IL33: variants seen among roughly 807,000 people sequenced by gnomAD.
The protein encoded by IL33 is interleukin 33, also known as interleukin-33.
Under a neutral mutation model 27.3 loss-of-function variants are expected in IL33, and 37 were observed. The observed-to-expected ratio is 1.36, with a 90% CI of 1.04 to 1.78. The LOEUF (loss-of-function observed/expected upper bound fraction) is 1.78. Among genes scored for constraint, IL33 ranks in the 40% most tolerant of loss-of-function variants. IL33 has a pLI of 0.00. For synonymous variants in IL33, 132 were observed against 102.9 expected (o/e 1.28, Z -1.71); for missense variants, 406 against 311.4 (o/e 1.30, Z -2.29).
At chr9:6,216,162 G>A (rs1459852559) in intron 1 of IL33, among the ~76,000 whole-genome samples, 1 of 152,084 alleles carries the variant, frequency 6.6e-6, no homozygotes, top group African/African-American at 2.4e-5. Context: ...ATGGGATCTT[G>A]CTCTGTAGCG....
At chr9:6,253,287 C>A (rs1305799353) in intron 5 of IL33, among the ~76,000 whole-genome samples, 3 of 152,210 alleles carry the variant, frequency 2.0e-5, no homozygotes, top group South Asian at 2.1e-4. Context: ...TCCACCAGAT[C>A]TTTCTAGCCC....
At chr9:6,255,937 A>T in intron 7 of IL33, 31 bp from the exon 8 acceptor site, 1 of 1,581,778 alleles carries the variant, frequency 6.3e-7, no homozygotes, top group Non-Finnish European at 8.7e-7. Context: ...TCCCATTCAC[A>T]TATGGATTGC....
chr9:6,221,099 G>C (rs1236235382), intron 1 of IL33, among the ~76,000 whole-genome samples: 1 of 152,048 alleles, frequency 6.6e-6, no homozygotes, highest in Admixed American at 6.6e-5. Context: ...CTAAACTTTT[G>C]AACAAGTTTC....
At chr9:6,253,251 C>T (rs2130452788) in intron 5 of IL33, among the ~76,000 whole-genome samples, 1 of 152,218 alleles carries the variant, frequency 6.6e-6, no homozygotes, top group African/African-American at 2.4e-5. Context: ...AAAGAGGGGC[C>T]ACATGTATTT....
At chr9:6,247,288 G>A (rs1026364089) in intron 2 of IL33, among the ~76,000 whole-genome samples, 2 of 152,152 alleles carry the variant, frequency 1.3e-5, no homozygotes. Context: ...AAGAACCTAG[G>A]GAAACTGGTG....
rs780716485 is a variant in IL33 at position 6,254,466 on chromosome 9, C to T, written c.525C>T (p.Asp175=). The change falls in exon 7 of 8, where the codon GAC becomes GAT. Residue 175 remains aspartate (D), a synonymous_variant. Transcript: ENST00000682010. The part of the protein sequence containing the change: ...ESQHPSNESG[D]GVDGKMLMVT... ...TTATACTTTCTTAATTGTAAGGTGACGGTGTTGATGGTAAGATGTTAATGG... is the reference window on the plus strand; with the variant it reads ...TTATACTTTCTTAATTGTAAGGTGATGGTGTTGATGGTAAGATGTTAATGG... The T allele has an allele frequency of 4.3e-5, 67 of 1,566,450 alleles. No individual in the cohort carries two copies. The highest frequency in any genetic ancestry group is 1.1e-4 in the African/African-American group (8 of 73,360).
At chr9:6,253,524 C>A (rs777011196) in intron 5 of IL33, 28 bp from the exon 6 acceptor site, 2 of 1,561,044 alleles carry the variant, frequency 1.3e-6, no homozygotes, top group Admixed American at 1.7e-5. Context: ...TGTGTCTCAC[C>A]AGAGGGATTT....
At chr9:6,248,402 T>C (rs1017740838) in intron 2 of IL33, among the ~76,000 whole-genome samples, 34 of 151,918 alleles carry the variant, frequency 2.2e-4, no homozygotes, top group Admixed American at 2.0e-3. Flanking sequence ...ACTGCTGTTA[T>C]CATGGGAGTG....
intron 1 of IL33, among the ~76,000 whole-genome samples, chr9:6,237,557 T>C (rs1404628801): frequency 6.6e-6 from 1 of 152,162 alleles, no homozygotes; most frequent in African/African-American, 2.4e-5. Context: ...ATGAGGGTGA[T>C]AAGACGGGAG....
chr9:6,218,880 CAT>C (rs1228466386), intron 1 of IL33, among the ~76,000 whole-genome samples: 38 of 56,294 alleles, frequency 6.8e-4, no homozygotes, highest in Admixed American at 5.2e-3. Flanking sequence ...ATATGTTCTC[CAT>C]ATATATATAT....
rs184839154 is a variant in IL33 at position 6,252,893 on chromosome 9, C to A, written c.371C>A (p.Ala124Asp). 5.6e-6 allele frequency: 9 copies of A among 1,608,200 alleles called. No individual in the cohort carries two copies. In the Admixed American group the frequency reaches 1.5e-4, roughly 27 times the overall value. ...TGISPITEYL[A>D]SLSTYNDQSI... is the part of the protein sequence containing the mutation. ...ATTTCACCTATTACAGAGTATCTTG[C>A]TTCTCTAAGCACATACAATGATCAA... The change falls in exon 5 of 8, where the codon GCT (alanine) becomes GAT (aspartate). Residue 124 changes from alanine to aspartate, a missense_variant. By Grantham distance (126) the Ala-to-Asp change is moderately radical. Transcript: ENST00000682010.
chr9:6,239,941 T>G (rs1345901368), intron 1 of IL33, among the ~76,000 whole-genome samples: 1 of 152,164 alleles, frequency 6.6e-6, no homozygotes, highest in Non-Finnish European at 1.5e-5. Flanking sequence ...ACACTGATAT[T>G]GCTGACTCAT....
chr9:6,222,745 T>A (rs932248406), intron 1 of IL33, among the ~76,000 whole-genome samples: 2 of 152,200 alleles, frequency 1.3e-5, no homozygotes, highest in South Asian at 4.1e-4. Flanking sequence ...GAATTTTAAA[T>A]AATGCATTCC....
chr9:6,254,435 T>C, intron 6 of IL33, 27 bp from the exon 7 acceptor site: 1 of 1,433,650 alleles, frequency 7.0e-7, no homozygotes. Flanking sequence ...TTCTTAACTT[T>C]ATCATTTATA....
At chr9:6,224,521 T>C (rs1275246990) in intron 1 of IL33, among the ~76,000 whole-genome samples, 1 of 152,182 alleles carries the variant, frequency 6.6e-6, no homozygotes, top group African/African-American at 2.4e-5. Flanking sequence ...TTGTTAGCAT[T>C]TGTAATTAAG....
chr9:6,241,887 T>C (rs1391339180), intron 2 of IL33, 102 bp downstream of exon 2: 6 of 778,706 alleles, frequency 7.7e-6, no homozygotes, highest in Non-Finnish European at 1.2e-5. Flanking sequence ...CAAAATCTAC[T>C]AAGAATACAA....
intron 6 of IL33, 46 bp downstream of exon 6, chr9:6,253,648 T>C (rs890134694): frequency 6.8e-6 from 10 of 1,470,720 alleles, no homozygotes; most frequent in Non-Finnish European, 9.4e-6. Context: ...TTCTTAAGTA[T>C]GGGGTAAAGA....
chr9:6,250,671 T>C lies in IL33; in HGVS notation c.217+72T>C, dbSNP rs545629411. The C allele has an allele frequency of 4.0e-6, 6 of 1,505,434 alleles. No individual in the cohort carries two copies. In the East Asian group the frequency reaches 6.8e-5, roughly 17 times the overall value. The allele number at this position is 1,505,434 out of a possible 1,614,324, so 93.3% of individuals were successfully genotyped here. On this transcript the variant is annotated intron_variant, in intron 3 of 7. Coordinates refer to ENST00000682010, the MANE Select transcript of IL33 (RefSeq NM_033439.4). ...TGCCTTCACTTACCACATCTAAATA[T>C]GCAATTATTTTTCCTCACTCCAAGG...
chr9:6,236,781 G>T (rs1322776516), intron 1 of IL33, among the ~76,000 whole-genome samples: 1 of 152,198 alleles, frequency 6.6e-6, no homozygotes, highest in East Asian at 1.9e-4. Context: ...TGAGACAGAA[G>T]AATTGCTTTA....
Sources: gnomAD v4.1 joint callset for allele counts (sites outside exome capture counted in the v4.1 genomes callset) on GRCh38, gnomAD v4.1.1 for gene constraint, MANE v1.5 for transcripts, NCBI Gene and HGNC (gene_info 2026-07-23, HGNC 2026-07-21) for gene names.